GABRB1: variants seen among roughly 807,000 people sequenced by gnomAD.
The protein encoded by GABRB1 is gamma-aminobutyric acid type A receptor subunit beta1, also known as gamma-aminobutyric acid receptor subunit beta-1.
A neutral mutation model predicts 51.6 loss-of-function variants in GABRB1; 17 were observed. The ratio of observed to expected loss-of-function variants is 0.33; its 90% CI spans 0.23 to 0.49. The LOEUF (loss-of-function observed/expected upper bound fraction) is 0.49, where lower values mean the gene tolerates loss of function less well. GABRB1 is among the 20% of genes least tolerant of loss of function. The probability of loss-of-function intolerance (pLI) is 0.99; values close to 1 mark genes in which losing one functional copy is unlikely to be tolerated. For missense variants in GABRB1, 410 were observed against 600.6 expected (o/e 0.68, Z 3.32); for synonymous variants, 247 against 218.9 (o/e 1.13, Z -1.14).
At chr4:47,078,944 G>A (rs1727696899) in intron 3 of GABRB1, among the ~76,000 whole-genome samples, 1 of 152,140 alleles carries the variant, frequency 6.6e-6, no homozygotes, top group East Asian at 1.9e-4. Context: ...TAGGGTCATT[G>A]CATCCCAGGG....
At chr4:47,214,779 C>T (rs1285841833) in intron 4 of GABRB1, among the ~76,000 whole-genome samples, 1 of 152,060 alleles carries the variant, frequency 6.6e-6, no homozygotes, top group Non-Finnish European at 1.5e-5. Context: ...AGCCATAAGC[C>T]AACAGAATTT....
At chr4:47,156,055 G>A (rs1717685689) in intron 3 of GABRB1, among the ~76,000 whole-genome samples, 1 of 151,040 alleles carries the variant, frequency 6.6e-6, no homozygotes, top group African/African-American at 2.4e-5. Flanking sequence ...ATATCTCATT[G>A]ATATATTGTT....
intron 4 of GABRB1, among the ~76,000 whole-genome samples, chr4:47,293,911 CT>C (rs1723857745): frequency 2.0e-5 from 3 of 152,158 alleles, no homozygotes; most frequent in Admixed American, 6.6e-5. Flanking sequence ...ACTAGCAGAA[CT>C]TATGAAAACA....
chr4:47,347,065 C>A (rs954140674), intron 5 of GABRB1, among the ~76,000 whole-genome samples: 3 of 152,032 alleles, frequency 2.0e-5, no homozygotes, highest in Middle Eastern at 3.4e-3. Flanking sequence ...GTGGATCACT[C>A]GAGGTCAGGA....
At chr4:47,214,200 T>C (rs960207623) in intron 4 of GABRB1, among the ~76,000 whole-genome samples, 1 of 152,196 alleles carries the variant, frequency 6.6e-6, no homozygotes, top group Non-Finnish European at 1.5e-5. Flanking sequence ...GAACTTTCAA[T>C]GTCTTTTCAA....
intron 4 of GABRB1, among the ~76,000 whole-genome samples, chr4:47,261,064 C>T (rs1255022501): frequency 1.3e-5 from 2 of 152,106 alleles, no homozygotes; most frequent in East Asian, 1.9e-4. Flanking sequence ...ATAATAAGAC[C>T]TATCTATGAC....
At chr4:47,343,371 A>C (rs2109989572) in intron 5 of GABRB1, among the ~76,000 whole-genome samples, 1 of 152,320 alleles carries the variant, frequency 6.6e-6, no homozygotes, top group Middle Eastern at 3.4e-3. Flanking sequence ...AAAATGCAGC[A>C]ACAATGGACC....
intron 5 of GABRB1, among the ~76,000 whole-genome samples, chr4:47,321,276 C>A (rs79979118): frequency 0.026 from 3,897 of 152,130 alleles, 201 homozygotes; most frequent in African/African-American, 0.089. Flanking sequence ...TGGAAAAATT[C>A]CAGGTGATTC....
chr4:47,230,268 C>T (rs558147714), intron 4 of GABRB1, among the ~76,000 whole-genome samples: 3 of 152,182 alleles, frequency 2.0e-5, no homozygotes, highest in East Asian at 3.9e-4. Context: ...TGAGTCTTGA[C>T]ATAAGAAGCA....
intron 8 of GABRB1, among the ~76,000 whole-genome samples, chr4:47,412,043 A>G (rs1728775548): frequency 2.0e-5 from 3 of 152,200 alleles, no homozygotes; most frequent in Admixed American, 2.0e-4. Context: ...GGTTGCCTTA[A>G]TAGACACTCT....
At chr4:47,288,304 C>T (rs1723592253) in intron 4 of GABRB1, among the ~76,000 whole-genome samples, 2 of 151,670 alleles carry the variant, frequency 1.3e-5, no homozygotes, top group African/African-American at 4.8e-5. Context: ...ACTCTGTCGC[C>T]CAGGCTGGAG....
rs367612329 is a variant in GABRB1, at chr4:47,320,145, A to T, written c.480A>T (p.Ala160=). The T allele has an allele frequency of 6.2e-7, 1 of 1,603,046 alleles. No homozygotes were observed. The highest frequency in any genetic ancestry group is 8.5e-7 in the Non-Finnish European group (1 of 1,169,842). ...LYGLRITTTA[A]CMMDLRRYPL... is the part of the protein sequence containing the mutation. ...CTATCAGAATCACAACCACAGCTGC[A>T]TGTATGATGGATCTTCGAAGATATC... Residue 160 remains alanine, a synonymous_variant, in exon 5 of 9, where the codon GCA becomes GCT. Coordinates refer to ENST00000295454, the MANE Select transcript of GABRB1 (RefSeq NM_000812.4).
chr4:47,193,669 T>A (rs1343186946), intron 4 of GABRB1, among the ~76,000 whole-genome samples: 1 of 152,072 alleles, frequency 6.6e-6, no homozygotes, highest in East Asian at 1.9e-4. Context: ...TCCAAGTGTT[T>A]ACCCTAAGAG....
At chr4:47,299,782 C>T (rs1159291526) in intron 4 of GABRB1, among the ~76,000 whole-genome samples, 12 of 152,130 alleles carry the variant, frequency 7.9e-5, no homozygotes, top group Non-Finnish European at 1.5e-5. Context: ...TATAAAGACA[C>T]ATGCACACGT....
At chr4:47,406,124 T>A (rs1306732972) in intron 7 of GABRB1, among the ~76,000 whole-genome samples, 1 of 124,822 alleles carries the variant, frequency 8.0e-6, no homozygotes, top group African/African-American at 3.2e-5. Flanking sequence ...ACATTTCTCA[T>A]GTTTCCTCTT....
intron 1 of GABRB1, among the ~76,000 whole-genome samples, chr4:46,998,491 G>T (rs955760601): frequency 6.6e-6 from 1 of 152,076 alleles, no homozygotes; most frequent in Non-Finnish European, 1.5e-5. Context: ...CCAGCACTTT[G>T]GGAGGCCGAG....
At chr4:47,320,255 A>C (rs372695202) in intron 5 of GABRB1, 46 bp downstream of exon 5, 3 of 1,219,766 alleles carry the variant, frequency 2.5e-6, no homozygotes, top group Non-Finnish European at 3.7e-6. Flanking sequence ...TTCTTCCTTG[A>C]CCCAGTTGAA....
chr4:47,007,588 A>G (rs1047872710), intron 1 of GABRB1, among the ~76,000 whole-genome samples: 2 of 152,198 alleles, frequency 1.3e-5, no homozygotes, highest in Admixed American at 1.3e-4. Context: ...ATGTAACCTT[A>G]TCTCAAGTTG....
intron 5 of GABRB1, among the ~76,000 whole-genome samples, chr4:47,361,635 G>C (rs978817022): frequency 6.6e-6 from 1 of 152,062 alleles, no homozygotes; most frequent in Non-Finnish European, 1.5e-5. Flanking sequence ...TGCCAAATAT[G>C]ACAAAAATGG....
Sources: gnomAD v4.1 joint callset for allele counts (sites outside exome capture counted in the v4.1 genomes callset) on GRCh38, gnomAD v4.1.1 for gene constraint, MANE v1.5 for transcripts, NCBI Gene and HGNC (gene_info 2026-07-23, HGNC 2026-07-21) for gene names.